Variants in CFAP47 observed in about 807,000 individuals in gnomAD.
CFAP47 encodes cilia- and flagella-associated protein 47.
CFAP47 carries 29 observed loss-of-function variants against 148.1 expected under a neutral mutation model. The ratio of observed to expected loss-of-function variants is 0.20; its 90% CI spans 0.15 to 0.27. CFAP47 has a LOEUF of 0.27. CFAP47 is among the 10% of genes least tolerant of loss of function. The pLI, the probability that CFAP47 is intolerant of heterozygous loss-of-function variation, is 1.00. For synonymous variants in CFAP47, 664 were observed against 577.3 expected (o/e 1.15, Z -2.15); for missense variants, 1,872 against 1,697.5 (o/e 1.10, Z -1.81).
At chrX:36,060,931 G>A (rs1937588885) in intron 26 of CFAP47, among the ~76,000 whole-genome samples, 1 of 111,500 alleles carries the variant, frequency 9.0e-6, no homozygotes, top group Admixed American at 9.6e-5. Flanking sequence ...AGTATGTCCA[G>A]TCTGTTTTTA....
chrX:35,974,352 G>A (rs747020176), intron 13 of CFAP47, among the ~76,000 whole-genome samples: 114 of 111,678 alleles, frequency 1.0e-3, no homozygotes, highest in Non-Finnish European at 1.9e-3. Context: ...TTGAAGGACA[G>A]TTATGATTAA....
intron 51 of CFAP47, among the ~76,000 whole-genome samples, chrX:36,298,547 C>G (rs907160250): frequency 9.9e-6 from 1 of 100,645 alleles, no homozygotes; most frequent in Non-Finnish European, 2.0e-5. Context: ...TACCCTAAAA[C>G]TTAAAGTATA....
chrX:36,030,511 T>A (rs979946646), intron 22 of CFAP47, among the ~76,000 whole-genome samples: 4 of 111,075 alleles, frequency 3.6e-5, no homozygotes, highest in African/African-American at 1.3e-4. Context: ...ATGAACACTA[T>A]CCATAACTTT....
intron 36 of CFAP47, among the ~76,000 whole-genome samples, chrX:36,147,834 C>T (rs1279261215): frequency 1.8e-5 from 2 of 112,343 alleles, no homozygotes; most frequent in African/African-American, 3.2e-5. Context: ...TTTCACTCTT[C>T]GAATATCTGT....
intron 30 of CFAP47, among the ~76,000 whole-genome samples, chrX:36,096,835 C>T (rs1004789708): frequency 5.4e-5 from 6 of 111,221 alleles, no homozygotes; most frequent in African/African-American, 9.8e-5. Context: ...AGTCCATTTA[C>T]ATTCAATGCT....
At position 36,184,981 on chromosome X, in the gene CFAP47, A is replaced by C. The variant is rs782377391; in HGVS notation, c.6105-3639A>C. 9.9e-5 allele frequency among the ~76,000 whole-genome samples: 11 copies of C among 111,604 alleles called. No homozygotes were observed. The East Asian group carries it at 2.5e-3, about 26-fold the overall frequency. ...TGGATTCTGGAGACTCATGATTTTA[A>C]AATATTTCTTTTTACTATGCTGAAT... On this transcript the variant is annotated intron_variant, in intron 40 of 63. Coordinates refer to ENST00000378653, the MANE Select transcript of CFAP47 (RefSeq NM_001304548.2).
intron 22 of CFAP47, among the ~76,000 whole-genome samples, chrX:36,017,690 CAGT>C (rs981183033): frequency 1.5e-4 from 17 of 111,215 alleles, no homozygotes; most frequent in Non-Finnish European, 2.3e-4. Context: ...AATGAGTTCA[CAGT>C]AGGTGTGTGG....
intron 42 of CFAP47, among the ~76,000 whole-genome samples, chrX:36,196,197 T>A (rs1939918912): frequency 9.0e-6 from 1 of 111,492 alleles, no homozygotes; most frequent in South Asian, 3.7e-4. Context: ...TAATTTTAAA[T>A]AACAGTGATT....
At chrX:35,926,444 C>T (rs1409830259) in intron 2 of CFAP47, among the ~76,000 whole-genome samples, 1 of 111,708 alleles carries the variant, frequency 9.0e-6, no homozygotes, top group Non-Finnish European at 1.9e-5. Flanking sequence ...GTCAGGTTCA[C>T]TTCACCAAAT....
intron 62 of CFAP47, among the ~76,000 whole-genome samples, chrX:36,371,727 C>CATGTGTATAT (rs1569329267): frequency 0.023 from 1,234 of 53,260 alleles, 73 homozygotes; most frequent in Non-Finnish European, 0.034. Flanking sequence ...TATATACACA[C>CATGTGTATAT]ATGTGTGTAT....
intron 51 of CFAP47, among the ~76,000 whole-genome samples, chrX:36,289,711 G>T (rs782427408): frequency 6.3e-5 from 7 of 111,792 alleles, no homozygotes; most frequent in Non-Finnish European, 1.3e-4. Flanking sequence ...AATATACTTG[G>T]ATTTAATATC....
At chrX:36,196,484 G>A (rs1939922204) in intron 42 of CFAP47, among the ~76,000 whole-genome samples, 1 of 111,001 alleles carries the variant, frequency 9.0e-6, no homozygotes, top group African/African-American at 3.3e-5. Flanking sequence ...GCACTTTTTT[G>A]GGGGAAGATT....
At chrX:36,242,387 A>G (rs782674136) in intron 48 of CFAP47, among the ~76,000 whole-genome samples, 72 of 112,298 alleles carry the variant, frequency 6.4e-4, no homozygotes, top group East Asian at 5.1e-3. Flanking sequence ...GACGACATTC[A>G]GGAGAAAGTT....
At chrX:36,142,609 G>A (rs1203311488) in intron 35 of CFAP47, among the ~76,000 whole-genome samples, 1 of 111,416 alleles carries the variant, frequency 9.0e-6, no homozygotes, top group Admixed American at 9.6e-5. Flanking sequence ...GGTCACTTTT[G>A]TTTAAATGTA....
At chrX:35,968,860 T>G (rs1936447854) in intron 10 of CFAP47, among the ~76,000 whole-genome samples, 1 of 109,965 alleles carries the variant, frequency 9.1e-6, no homozygotes, top group African/African-American at 3.4e-5. Context: ...GAAAATTCTG[T>G]TTTTTCCTCT....
At chrX:36,054,993 C>T (rs911548069) in intron 26 of CFAP47, among the ~76,000 whole-genome samples, 7 of 109,597 alleles carry the variant, frequency 6.4e-5, no homozygotes, top group Non-Finnish European at 9.5e-5. Flanking sequence ...AGGATGGTCT[C>T]GATCTCCTGA....
chrX:36,023,728 G>A (rs2146712622), intron 22 of CFAP47, among the ~76,000 whole-genome samples: 1 of 112,315 alleles, frequency 8.9e-6, no homozygotes, highest in Non-Finnish European at 1.9e-5. Flanking sequence ...ACCTCATCAT[G>A]TGGCCACTGC....
chrX:36,205,027 T>C lies in CFAP47; in HGVS notation c.6734T>C (p.Leu2245Pro), dbSNP rs1263435067. The C allele has an allele frequency of 3.4e-6, 1 of 295,469 alleles. No homozygotes were observed. The highest frequency in any genetic ancestry group is 5.9e-6 in the Non-Finnish European group (1 of 169,772). The allele number at this position is 295,469 out of a possible 1,213,427, so 24.3% of individuals were successfully genotyped here. Residue 2245 changes from leucine (L) to proline (P), a missense_variant, in exon 45 of 64, where the codon CTT (leucine) becomes CCT (proline). Coordinates refer to ENST00000378653, the MANE Select transcript of CFAP47 (RefSeq NM_001304548.2). ...KTVSYTTEVS[L>P]PKYFYIPEKI... Reference sequence around the variant, plus strand: ...GTTTCATACACAACAGAAGTGAGCCTTCCAAAGTATTTTTATATCCCTGAG... The same window carrying C: ...GTTTCATACACAACAGAAGTGAGCCCTCCAAAGTATTTTTATATCCCTGAG...
rs760405684 is a variant in CFAP47 at position 35,975,785 on chromosome X, G to T, written c.2585G>T (p.Gly862Val). 5 of 1,210,799 alleles carry T rather than the reference G, an allele frequency of 4.1e-6. No individual in the cohort carries two copies. The highest frequency in any genetic ancestry group is 2.2e-5 in the Admixed American group (1 of 45,958). ...AATGAGCTAGTATTGAGACCACGAG[G>T]CTTCTTCATGAAAACATGTTTTCGG... ...SSNELVLRPR[G>V]FFMKTCFRGT... The change falls in exon 15 of 64, where the codon GGC becomes GTC. Residue 862 changes from glycine (G) to valine (V), a missense_variant. Gly to Val is a moderately radical substitution (Grantham distance 109). Coordinates refer to ENST00000378653, the MANE Select transcript of CFAP47 (RefSeq NM_001304548.2).
Sources: gnomAD v4.1 joint callset for allele counts (sites outside exome capture counted in the v4.1 genomes callset) on GRCh38, gnomAD v4.1.1 for gene constraint, MANE v1.5 for transcripts, NCBI Gene and HGNC (gene_info 2026-07-23, HGNC 2026-07-21) for gene names.